The following EVC variants were observed in gnomAD, a reference collection of about 807,000 sequenced individuals.
EVC encodes the protein evC complex member EVC.
A neutral mutation model predicts 118.9 loss-of-function variants in EVC; 116 were observed. That is an observed-to-expected ratio of 0.98 (90% CI 0.84 to 1.14). EVC has a LOEUF of 1.14. EVC is among the 50% of genes most tolerant of loss of function. The pLI is 0.00. For missense variants in EVC, 1,401 were observed against 1,246.4 expected, an observed-to-expected ratio of 1.12 and a Z score of -1.87; for synonymous variants, 619 against 534.7, an observed-to-expected ratio of 1.16 and a Z score of -2.18.
At chr4:5,801,013 AATG>A (rs952033067) in intron 15 of EVC, among the ~76,000 whole-genome samples, 1 of 152,208 alleles carries the variant, frequency 6.6e-6, no homozygotes, top group Non-Finnish European at 1.5e-5. Flanking sequence ...TGAGGAAAAG[AATG>A]ATAACTTTGT....
rs1019560659 is a variant in EVC, at chr4:5,765,274, G to T, written c.1563+8912G>T. Among the ~76,000 whole-genome samples the T allele has an allele frequency of 2.6e-5, 3 of 117,486 alleles. 1 individual carries two copies. Among genetic ancestry groups the T allele is most frequent in the African/African-American group, 9.9e-5 (3 of 30,204 alleles). 77.1% of individuals were successfully genotyped at this position (117,486 alleles called of 152,430 possible). On this transcript the variant is annotated intron_variant, in intron 11 of 20. Transcript: ENST00000264956. ...TGCACTGTGGTCTGAGAGATAGTTTGTTATAAATTCTATTCTTTTACATTT... is the reference window on the plus strand; with the variant it reads ...TGCACTGTGGTCTGAGAGATAGTTTTTTATAAATTCTATTCTTTTACATTT...
rs1309092985 is a variant in EVC at position 5,745,195 on chromosome 4, C to A, written c.802-9C>A. On this transcript the variant is annotated splice_polypyrimidine_tract_variant and intron_variant, in intron 6 of 20. Transcript: ENST00000264956. ...TTTATTTGCTTTCTTTTTTCTTCTT[C>A]TTCTTCAGGATTTGGAGGAACTAGA... The A allele has an allele frequency of 6.2e-7, 1 of 1,606,312 alleles. No homozygotes were observed. The highest frequency in any genetic ancestry group is 8.5e-7 in the Non-Finnish European group (1 of 1,176,732).
At chr4:5,734,600 T>G (rs1276024581) in intron 5 of EVC, among the ~76,000 whole-genome samples, 1 of 152,070 alleles carries the variant, frequency 6.6e-6, no homozygotes. Context: ...GAGGCTGCAG[T>G]GAACTGTGAT....
intron 12 of EVC, among the ~76,000 whole-genome samples, chr4:5,792,819 GCC>G (rs1403712042): frequency 1.5e-4 from 23 of 152,228 alleles, no homozygotes; most frequent in Admixed American, 5.2e-4. Context: ...CAGAATAAAA[GCC>G]ACAAGGTACC....
intron 15 of EVC, among the ~76,000 whole-genome samples, chr4:5,801,381 A>G (rs1219345379): frequency 6.6e-6 from 1 of 152,144 alleles, no homozygotes; most frequent in Non-Finnish European, 1.5e-5. Context: ...CTTAATGTTT[A>G]GAAACGGAAG....
rs766117986 is a variant in EVC at position 5,752,818 on chromosome 4, G to C, written c.1099-18G>C. 4 of 1,613,542 alleles carry C rather than the reference G, an allele frequency of 2.5e-6. No homozygotes were observed. The highest frequency in any genetic ancestry group is 1.3e-5 in the African/African-American group (1 of 74,936). On this transcript the variant is annotated intron_variant, in intron 8 of 20. Coordinates refer to ENST00000264956, the MANE Select transcript of EVC (RefSeq NM_153717.3). ...CCCAGGACACCCCAGCTATGGTCCT[G>C]TGTGTTTCTTTTTGCAGGACGCCCT...
At chr4:5,794,369 T>G (rs28611080) in intron 13 of EVC, among the ~76,000 whole-genome samples, 1 of 135,338 alleles carries the variant, frequency 7.4e-6, no homozygotes, top group Admixed American at 7.8e-5. Flanking sequence ...GTATTTATAT[T>G]TATATACATA....
intron 5 of EVC, among the ~76,000 whole-genome samples, chr4:5,736,305 G>T (rs1024584276): frequency 1.3e-5 from 2 of 150,870 alleles, no homozygotes; most frequent in Non-Finnish European, 3.0e-5. Context: ...ACACACACAT[G>T]CACACACATA....
At chr4:5,767,005 C>T (rs200513809) in intron 11 of EVC, among the ~76,000 whole-genome samples, 8,846 of 150,406 alleles carry the variant, frequency 0.059, 349 homozygotes, top group Middle Eastern at 0.13. Flanking sequence ...AGTTTTTCTG[C>T]TCTGTTTTTT....
Position 5,737,171 on chromosome 4 carries a change from C to G in EVC, c.702+3736C>G, listed in dbSNP as rs1385462256. ...AACCAGACACAACATCCCCTTAAGC[C>G]AAAGCCTAATCCAGAGCAATACTCT... is the stretch of plus-strand genomic sequence containing the variant. On this transcript the variant is annotated intron_variant, in intron 5 of 20. Transcript: ENST00000264956. The surrounding 1 kb of genome is among the most constrained non-coding windows in gnomAD (Gnocchi z 5.0). 6.6e-6 allele frequency among the ~76,000 whole-genome samples: 1 copy of G among 152,212 alleles called. No homozygotes were observed. The highest frequency in any genetic ancestry group is 1.5e-5 in the Non-Finnish European group (1 of 68,048).
chr4:5,750,851 A>C (rs566941026), intron 8 of EVC, among the ~76,000 whole-genome samples: 5 of 152,300 alleles, frequency 3.3e-5, no homozygotes, highest in African/African-American at 1.2e-4. Context: ...TGGATTCACT[A>C]TGCCTGCATA....
chr4:5,799,712 A>C (rs1212242097), intron 15 of EVC, among the ~76,000 whole-genome samples: 7 of 152,198 alleles, frequency 4.6e-5, no homozygotes, highest in Non-Finnish European at 8.8e-5. Context: ...CCCTTCCAGG[A>C]GCCCTCCAAG....
intron 16 of EVC, among the ~76,000 whole-genome samples, chr4:5,804,439 G>A (rs191003297): frequency 1.6e-3 from 250 of 152,270 alleles, no homozygotes; most frequent in Middle Eastern, 0.014. Flanking sequence ...GCTCTTTGTG[G>A]TGCCTTCTCA....
intron 1 of EVC, among the ~76,000 whole-genome samples, chr4:5,713,134 TG>T (rs1293967899): frequency 6.6e-6 from 1 of 152,230 alleles, no homozygotes; most frequent in Non-Finnish European, 1.5e-5. Context: ...CCAAGCCATC[TG>T]GGTTTGCACA....
chr4:5,722,424 C>A (rs1053123863), intron 2 of EVC, among the ~76,000 whole-genome samples: 1 of 152,206 alleles, frequency 6.6e-6, no homozygotes, highest in East Asian at 1.9e-4. Context: ...AATGCTTTTG[C>A]TTTCTGCAGA....
In EVC at chr4:5,731,644, C is replaced by G; in HGVS notation, c.604C>G (p.Leu202Val). 6.2e-7 allele frequency: 1 copy of G among 1,614,074 alleles called. No individual in the cohort carries two copies. Among genetic ancestry groups the G allele is most frequent in the Non-Finnish European group, 8.5e-7 (1 of 1,179,982 alleles). Residue 202 changes from leucine to valine, a missense_variant, in exon 4 of 21, where the codon CTG becomes GTG. Leu to Val is a conservative substitution (Grantham distance 32, BLOSUM62 1). Coordinates refer to ENST00000264956, the MANE Select transcript of EVC (RefSeq NM_153717.3). This position sits in a 1 kb window ranked among gnomAD's most constrained non-coding sequence, Gnocchi z 5.6. Reference sequence around the variant, plus strand: ...CCGGGTGAACGCCTTCCCTGAAGTGCTGGCCTGCGAGAGGTAAGGAGAGCG... The same window carrying G: ...CCGGGTGAACGCCTTCCCTGAAGTGGTGGCCTGCGAGAGGTAAGGAGAGCG... Reference protein sequence around the residue: ...FLRVNAFPEVLACESVDVDLC... With the variant: ...FLRVNAFPEVVACESVDVDLC...
intron 11 of EVC, among the ~76,000 whole-genome samples, chr4:5,780,669 A>G (rs115193315): frequency 1.3e-5 from 2 of 152,344 alleles, no homozygotes; most frequent in African/African-American, 2.4e-5. Context: ...GAGAAGGACA[A>G]TCATACAACC....
At position 5,737,079 on chromosome 4, in the gene EVC, T is replaced by A. The variant is rs1011615327; in HGVS notation, c.702+3644T>A. ...AGTGCTACGCCAGTGAACACACGAA[T>A]GATCAGAAAGCAAAACAACCTTATT... On this transcript the variant is annotated intron_variant, in intron 5 of 20. Coordinates refer to ENST00000264956, the MANE Select transcript of EVC (RefSeq NM_153717.3). This position sits in a 1 kb window ranked among gnomAD's most constrained non-coding sequence, Gnocchi z 5.0. Among the ~76,000 whole-genome samples, 2 of 152,186 alleles carry A rather than the reference T, an allele frequency of 1.3e-5. No homozygotes were observed. The highest frequency in any genetic ancestry group is 2.9e-5 in the Non-Finnish European group (2 of 68,036).
intron 4 of EVC, among the ~76,000 whole-genome samples, chr4:5,733,131 C>CT (rs1727108489): frequency 6.6e-6 from 1 of 152,172 alleles, no homozygotes; most frequent in African/African-American, 2.4e-5. Context: ...ACCTATGTCT[C>CT]TGACACCAAC....
Sources: gnomAD v4.1 joint callset for allele counts (sites outside exome capture counted in the v4.1 genomes callset) on GRCh38, gnomAD v4.1.1 for gene constraint, Gnocchi (gnomAD v3.1) non-coding constraint, MANE v1.5 for transcripts, NCBI Gene and HGNC (gene_info 2026-07-23, HGNC 2026-07-21) for gene names.